Variants in NUBPL observed in about 807,000 individuals in gnomAD.
NUBPL encodes NUBP iron-sulfur cluster assembly factor, mitochondrial.
A neutral mutation model predicts 45.7 loss-of-function variants in NUBPL; 31 were observed. That is an observed-to-expected ratio of 0.68 (90% CI 0.51 to 0.92). The LOEUF is 0.92. Among genes scored for constraint, NUBPL ranks in the 40% least tolerant of loss-of-function variants. The probability of loss-of-function intolerance (pLI) is 0.00; values close to 1 mark genes in which losing one functional copy is unlikely to be tolerated. For synonymous variants in NUBPL, 144 were observed against 140.9 expected (o/e 1.02, Z -0.15); for missense variants, 401 against 398.7 (o/e 1.01, Z -0.05).
In NUBPL at chr14:31,590,008, A is replaced by C. The variant is rs562366377; in HGVS notation, c.292-9281A>C. Among the ~76,000 whole-genome samples the C allele has an allele frequency of 6.6e-5, 10 of 152,308 alleles. No individual in the cohort carries two copies. In the Middle Eastern group the frequency reaches 0.01, roughly 155 times the overall value. The stretch of plus-strand genomic sequence containing the variant: ...AGTTAGAATGACAAGCCTTATCCTC[A>C]TTTTACATATAGTATATTCTACCTT... On this transcript the variant is annotated intron_variant, in intron 3 of 10. Transcript: ENST00000281081.
In NUBPL at chr14:31,751,764, G is replaced by A. The variant is rs1281798861; in HGVS notation, c.514-36016G>A. On this transcript the variant is annotated intron_variant, in intron 6 of 10. Coordinates refer to ENST00000281081, the MANE Select transcript of NUBPL (RefSeq NM_025152.3). ...GTCCCAGCGGGGACTCTGTGTGGGG[G>A]TTTCAAACCCCATATTTTCCCTCTG... 1.3e-4 allele frequency among the ~76,000 whole-genome samples: 20 copies of A among 152,192 alleles called. 2 individuals are homozygous for A. The highest frequency in any genetic ancestry group is 2.9e-4 in the Non-Finnish European group (20 of 68,044).
intron 3 of NUBPL, 71 bp downstream of exon 3, chr14:31,565,119 GT>G: frequency 1.1e-6 from 1 of 894,678 alleles, no homozygotes. Context: ...GCATATTGGT[GT>G]TTTTTATTTA....
intron 4 of NUBPL, among the ~76,000 whole-genome samples, chr14:31,615,434 A>G (rs755405955): frequency 1.3e-4 from 19 of 151,988 alleles, no homozygotes; most frequent in Non-Finnish European, 1.8e-4. Flanking sequence ...TCCTAATGCT[A>G]TCCCTACCCT....
At chr14:31,738,172 C>T (rs2038203475) in intron 6 of NUBPL, among the ~76,000 whole-genome samples, 1 of 152,160 alleles carries the variant, frequency 6.6e-6, no homozygotes, top group South Asian at 2.1e-4. Context: ...GTTTTGCTTA[C>T]ATTACTTCAA....
intron 6 of NUBPL, among the ~76,000 whole-genome samples, chr14:31,680,502 T>A (rs1335747745): frequency 6.6e-6 from 1 of 152,110 alleles, no homozygotes; most frequent in Non-Finnish European, 1.5e-5. Flanking sequence ...TTTTCTCCTT[T>A]ATTCTTTTTA....
rs1047121887 is a variant in NUBPL, at chr14:31,778,340, A to C, written c.514-9440A>C. Among the ~76,000 whole-genome samples, 3 of 152,300 alleles carry C rather than the reference A, an allele frequency of 2.0e-5. No individual in the cohort carries two copies. The South Asian group carries it at 6.2e-4, about 32-fold the overall frequency. On this transcript the variant is annotated intron_variant, in intron 6 of 10. Transcript: ENST00000281081. The stretch of plus-strand genomic sequence containing the variant: ...CAAACAAACAAACAAGCCAAAAAAA[A>C]CAATGTGGTTTCTCCTGACTGGATG...
chr14:31,688,429 T>A (rs993210059), intron 6 of NUBPL, among the ~76,000 whole-genome samples: 2 of 151,208 alleles, frequency 1.3e-5, no homozygotes, highest in Non-Finnish European at 3.0e-5. Context: ...TACAAAAAGT[T>A]AGCCAGGCGT....
intron 4 of NUBPL, among the ~76,000 whole-genome samples, chr14:31,663,344 G>GT (rs1359673785): frequency 2.0e-5 from 3 of 152,086 alleles, no homozygotes; most frequent in African/African-American, 7.2e-5. Flanking sequence ...TATTGCCTAG[G>GT]TTTTTTCTAG....
chr14:31,833,414 G>A (rs1218356881), intron 8 of NUBPL, among the ~76,000 whole-genome samples: 2 of 151,288 alleles, frequency 1.3e-5, no homozygotes, highest in Non-Finnish European at 3.0e-5. Flanking sequence ...ACTGTTTTTT[G>A]AGATTTCTTT....
intron 7 of NUBPL, among the ~76,000 whole-genome samples, chr14:31,824,539 T>C (rs1484233433): frequency 6.6e-6 from 1 of 152,192 alleles, no homozygotes; most frequent in Non-Finnish European, 1.5e-5. Flanking sequence ...TAATTTAATG[T>C]AAAAGATTTT....
intron 6 of NUBPL, among the ~76,000 whole-genome samples, chr14:31,705,000 A>G (rs10140752): frequency 1 from 151,659 of 152,296 alleles, 75,516 homozygotes; most frequent in Middle Eastern, 1. Flanking sequence ...CAGGAGTGAA[A>G]CTGCAGACCT....
intron 6 of NUBPL, among the ~76,000 whole-genome samples, chr14:31,680,874 A>C (rs1180026322): frequency 6.6e-6 from 1 of 152,120 alleles, no homozygotes; most frequent in Non-Finnish European, 1.5e-5. Context: ...TTTGATCTGC[A>C]GTTGGTTGAA....
intron 6 of NUBPL, among the ~76,000 whole-genome samples, chr14:31,782,071 A>G (rs1193537257): frequency 6.6e-6 from 1 of 152,106 alleles, no homozygotes; most frequent in African/African-American, 2.4e-5. Flanking sequence ...TGAAGAACAT[A>G]TTTTATGTGT....
At chr14:31,601,533 A>T (rs2034433952) in intron 4 of NUBPL, among the ~76,000 whole-genome samples, 1 of 152,168 alleles carries the variant, frequency 6.6e-6, no homozygotes, top group African/African-American at 2.4e-5. Flanking sequence ...ACTCAAACAA[A>T]TTTACAAGAA....
intron 4 of NUBPL, among the ~76,000 whole-genome samples, chr14:31,635,423 G>A (rs1321860221): frequency 1.3e-5 from 2 of 151,814 alleles, no homozygotes; most frequent in Non-Finnish European, 2.9e-5. Context: ...TATTTCTGAG[G>A]GCTCTGTTCT....
At chr14:31,846,962 AAC>A (rs200080965) in intron 9 of NUBPL, among the ~76,000 whole-genome samples, 14,449 of 150,958 alleles carry the variant, frequency 0.096, 794 homozygotes, top group Non-Finnish European at 0.14. Flanking sequence ...TCAAAAAAAA[AAC>A]AAAAAACAAA....
chr14:31,606,834 C>T (rs150231587), intron 4 of NUBPL, among the ~76,000 whole-genome samples: 19 of 152,184 alleles, frequency 1.2e-4, no homozygotes, highest in Non-Finnish European at 2.1e-4. Context: ...GGGAAAATTT[C>T]CTCCTGATTC....
intron 6 of NUBPL, among the ~76,000 whole-genome samples, chr14:31,741,261 A>G (rs1490254825): frequency 1.3e-5 from 2 of 152,178 alleles, no homozygotes; most frequent in Non-Finnish European, 1.5e-5. Context: ...GGCAGGGGGA[A>G]TATTCTGTAG....
chr14:31,819,465 T>C (rs2039978761), intron 7 of NUBPL, among the ~76,000 whole-genome samples: 2 of 152,110 alleles, frequency 1.3e-5, no homozygotes, highest in South Asian at 4.1e-4. Flanking sequence ...AGCACTGAAG[T>C]TCTCAATCAA....
Sources: allele counts gnomAD v4.1 joint callset (sites outside exome capture counted in the v4.1 genomes callset), GRCh38; gene constraint gnomAD v4.1.1; transcripts MANE v1.5; gene names NCBI Gene and HGNC (gene_info 2026-07-23, HGNC 2026-07-21).